Variants in SENP7 observed in about 807,000 individuals in gnomAD.
SENP7 encodes sentrin-specific protease 7.
SENP7 carries 64 observed loss-of-function variants against 141.2 expected under a neutral mutation model. The observed-to-expected ratio is 0.45, with a 90% CI of 0.37 to 0.56. The LOEUF is 0.56. Ranked by LOEUF, SENP7 falls within the 20% of genes least tolerant of loss-of-function variation. The pLI, the probability that SENP7 is intolerant of heterozygous loss-of-function variation, is 0.00. For synonymous variants in SENP7, 382 were observed against 426.4 expected, an observed-to-expected ratio of 0.90 and a Z score of 1.28; for missense variants, 1,025 against 1,212.2, an observed-to-expected ratio of 0.85 and a Z score of 2.29.
chr3:101,362,855 A>C (rs1266330032), intron 10 of SENP7, among the ~76,000 whole-genome samples: 1 of 152,190 alleles, frequency 6.6e-6, no homozygotes, highest in Non-Finnish European at 1.5e-5. Context: ...TTTGCTTTTA[A>C]ATTATAATAG....
intron 4 of SENP7, among the ~76,000 whole-genome samples, chr3:101,454,821 T>C (rs1419058112): frequency 6.6e-6 from 1 of 152,172 alleles, no homozygotes; most frequent in African/African-American, 2.4e-5. Context: ...AGTAGGTTAG[T>C]GGTTGCTTAC....
intron 4 of SENP7, 37 bp from the exon 5 acceptor site, chr3:101,417,827 A>G (rs1414170833): frequency 6.8e-7 from 1 of 1,473,558 alleles, no homozygotes; most frequent in Admixed American, 1.7e-5. Flanking sequence ...ATATGGTACT[A>G]CACATTGTAG....
rs571876052 is a variant in SENP7, at chr3:101,382,037, A to G, written c.678-9911T>C. ...AAAAGCTTTGGGCTCCCTCTGTTGG[A>G]AGTCTATATTAGAGTCTTGCAATTT... On this transcript the variant is annotated intron_variant, in intron 6 of 23. Transcript: ENST00000394095. Among the ~76,000 whole-genome samples, 10 of 152,316 alleles carry G rather than the reference A, an allele frequency of 6.6e-5. No individual in the cohort carries two copies. The East Asian group carries it at 1.9e-3, about 29-fold the overall frequency.
intron 6 of SENP7, among the ~76,000 whole-genome samples, chr3:101,396,655 T>G (rs2060975955): frequency 6.6e-6 from 1 of 152,134 alleles, no homozygotes; most frequent in South Asian, 2.1e-4. Context: ...AAAACTGAAT[T>G]TTACATTAAA....
At chr3:101,326,110 C>T in intron 23 of SENP7, 30 bp from the exon 24 acceptor site, 2 of 1,488,428 alleles carry the variant, frequency 1.3e-6, no homozygotes, top group Admixed American at 2.4e-5. Flanking sequence ...AGTGTAATCA[C>T]TTTAGCAGCA....
chr3:101,493,179 G>T (rs2065029399), intron 3 of SENP7, among the ~76,000 whole-genome samples: 1 of 152,192 alleles, frequency 6.6e-6, no homozygotes, highest in South Asian at 2.1e-4. Flanking sequence ...TTATCAGTGA[G>T]AGCTGAATGA....
rs747804446 is a variant in SENP7 at position 101,361,802 on chromosome 3, A to G, written c.1536T>C (p.Pro512=). The part of the protein sequence containing the change: ...PVMENISSIM[P]SNEMDLQLDF... ...CCAGTTGTAGATCCATCTCATTACTAGGCATAATACTGGAAATGTTCTCCA... is the reference window on the plus strand; with the variant it reads ...CCAGTTGTAGATCCATCTCATTACTGGGCATAATACTGGAAATGTTCTCCA... The change falls in exon 11 of 24, where the codon CCT becomes CCC. Residue 512 remains proline, a synonymous_variant. Coordinates refer to ENST00000394095, the MANE Select transcript of SENP7 (RefSeq NM_020654.5). 2 of 1,609,142 alleles carry G rather than the reference A, an allele frequency of 1.2e-6. No individual in the cohort carries two copies. The highest frequency in any genetic ancestry group is 4.5e-5 in the East Asian group (2 of 44,520).
rs80286906 is a variant in SENP7 at position 101,404,950 on chromosome 3, C to T, written c.483-5895G>A. Among the ~76,000 whole-genome samples the T allele has an allele frequency of 6.0e-3, 921 of 152,320 alleles. 11 individuals carry two copies. The highest frequency in any genetic ancestry group is 0.021 in the African/African-American group (891 of 41,564). ...ACAAGCCAAAGAGAGAGGCCTGGCA[C>T]AGGCGTTCTCTCACAGCCCTCAAAA... On this transcript the variant is annotated intron_variant, in intron 5 of 23. Transcript: ENST00000394095.
chr3:101,511,872 T>A (rs2065874412), intron 1 of SENP7, among the ~76,000 whole-genome samples: 1 of 152,080 alleles, frequency 6.6e-6, no homozygotes, highest in East Asian at 1.9e-4. Flanking sequence ...CAGGCTGGAG[T>A]GCAGTGGTGC....
intron 3 of SENP7, among the ~76,000 whole-genome samples, chr3:101,487,725 C>A (rs2108072922): frequency 6.6e-6 from 1 of 152,252 alleles, no homozygotes; most frequent in East Asian, 1.9e-4. Flanking sequence ...GGAATCCTTT[C>A]CCCATTATTT....
intron 11 of SENP7, among the ~76,000 whole-genome samples, chr3:101,361,473 A>G (rs945106133): frequency 6.6e-6 from 1 of 152,180 alleles, no homozygotes; most frequent in Non-Finnish European, 1.5e-5. Flanking sequence ...AAAGATTATC[A>G]ATACATGTGA....
At chr3:101,448,598 G>A (rs2062989657) in intron 4 of SENP7, among the ~76,000 whole-genome samples, 1 of 152,156 alleles carries the variant, frequency 6.6e-6, no homozygotes, top group African/African-American at 2.4e-5. Context: ...GCTGTGTGAG[G>A]TGTCAGTCTG....
At position 101,474,420 on chromosome 3, in the gene SENP7, G is replaced by C. The variant is rs756363420; in HGVS notation, c.187-15368C>G. On this transcript the variant is annotated intron_variant, in intron 3 of 23. Coordinates refer to ENST00000394095, the MANE Select transcript of SENP7 (RefSeq NM_020654.5). ...ACCTCCCTCCTTAGATGTATTCCTA[G>C]GTATTTTATTCTTTTTGTGGCAGTT... 9.2e-4 allele frequency among the ~76,000 whole-genome samples: 140 copies of C among 152,070 alleles called. 1 individual carries two copies. Among genetic ancestry groups the C allele is most frequent in the Non-Finnish European group, 4.4e-4 (30 of 68,002 alleles).
intron 13 of SENP7, among the ~76,000 whole-genome samples, chr3:101,346,665 C>G (rs1251560413): frequency 6.6e-6 from 1 of 151,842 alleles, no homozygotes; most frequent in Non-Finnish European, 1.5e-5. Flanking sequence ...AATGGAAAAC[C>G]AATCAGCCCA....
chr3:101,433,112 AG>A (rs573895338), intron 4 of SENP7, among the ~76,000 whole-genome samples: 1 of 152,194 alleles, frequency 6.6e-6, no homozygotes, highest in Non-Finnish European at 1.5e-5. Flanking sequence ...GTTAAAAAGC[AG>A]GGAGACAAAG....
In SENP7 at chr3:101,459,172, AAAT is replaced by A; in HGVS notation, c.187-123_187-121del. On this transcript the variant is annotated intron_variant, in intron 3 of 23. Coordinates refer to ENST00000394095, the MANE Select transcript of SENP7 (RefSeq NM_020654.5). ...GATCAAATACATAGTTCACAGAGAA[AAAT>A]AATAAGTGCAATCTATGGAATATCT... The A allele has an allele frequency of 7.8e-6, 4 of 510,714 alleles. No homozygotes were observed. In the Admixed American group the frequency reaches 1.0e-4, roughly 13 times the overall value. The allele number at this position is 510,714 out of a possible 1,614,324, so 31.6% of individuals were successfully genotyped here.
At position 101,341,074 on chromosome 3, in the gene SENP7, G is replaced by A. The variant is rs879693195; in HGVS notation, c.2240+572C>T. ...AACTGTAAATTTAAAGTGCTAATAT[G>A]ATAGTTTCTACCTTATTGGCTATTT... On this transcript the variant is annotated intron_variant, in intron 15 of 23. Coordinates refer to ENST00000394095, the MANE Select transcript of SENP7 (RefSeq NM_020654.5). Among the ~76,000 whole-genome samples the A allele has an allele frequency of 2.6e-5, 4 of 152,152 alleles. No homozygotes were observed. In the East Asian group the frequency reaches 7.7e-4, roughly 29 times the overall value.
chr3:101,324,916 A>T lies in SENP7; in HGVS notation c.*1027T>A, dbSNP rs2058860787. 1 of 152,216 alleles carries T rather than the reference A, an allele frequency of 6.6e-6. No homozygotes were observed. The highest frequency in any genetic ancestry group is 6.6e-5 in the Admixed American group (1 of 15,246). 9.4% of individuals were successfully genotyped at this position (152,216 alleles called of 1,614,324 possible). ...CAGAACTGTTACCTGAATATTTAAT[A>T]AAAAATTAAGTTCCATGAGGATCAT... On this transcript the variant is annotated 3_prime_UTR_variant, in exon 24 of 24. Coordinates refer to ENST00000394095, the MANE Select transcript of SENP7 (RefSeq NM_020654.5).
At chr3:101,477,573 G>C (rs537398193) in intron 3 of SENP7, among the ~76,000 whole-genome samples, 2 of 152,174 alleles carry the variant, frequency 1.3e-5, no homozygotes, top group East Asian at 3.9e-4. Context: ...GTAAATGGCC[G>C]GACATGGTAG....
Sources: gnomAD v4.1 joint callset for allele counts (sites outside exome capture counted in the v4.1 genomes callset) on GRCh38, gnomAD v4.1.1 for gene constraint, MANE v1.5 for transcripts, NCBI Gene and HGNC (gene_info 2026-07-23, HGNC 2026-07-21) for gene names.